SUSD1: variants seen among roughly 807,000 people sequenced by gnomAD.
SUSD1 encodes the protein sushi domain containing 1.
Under a neutral mutation model 86.9 loss-of-function variants are expected in SUSD1, and 65 were observed. The observed-to-expected ratio is 0.75, with a 90% confidence interval of 0.61 to 0.92. The LOEUF (loss-of-function observed/expected upper bound fraction) is 0.92. Ranked by LOEUF, SUSD1 falls within the 40% of genes least tolerant of loss-of-function variation. The pLI is 0.00. For missense variants in SUSD1, 850 were observed against 929.7 expected, an observed-to-expected ratio of 0.91 and a Z score of 1.11; for synonymous variants, 346 against 350.0, an observed-to-expected ratio of 0.99 and a Z score of 0.13.
intron 8 of SUSD1, among the ~76,000 whole-genome samples, chr9:112,106,192 G>A (rs1192026150): frequency 6.6e-6 from 1 of 151,924 alleles, no homozygotes; most frequent in Non-Finnish European, 1.5e-5. Context: ...GTTTAGCCAT[G>A]TTGACCCTGG....
intron 10 of SUSD1, 116 bp downstream of exon 10, chr9:112,098,354 G>T: frequency 9.5e-7 from 1 of 1,050,762 alleles, no homozygotes; most frequent in Non-Finnish European, 1.4e-6. Flanking sequence ...AAGTTTGTTA[G>T]AACTGGAACC....
chr9:112,133,156 TC>T (rs1220822833), intron 5 of SUSD1, among the ~76,000 whole-genome samples: 2 of 152,120 alleles, frequency 1.3e-5, no homozygotes, highest in Non-Finnish European at 2.9e-5. Context: ...AGGCATGTAG[TC>T]CCAGCTACTC....
intron 3 of SUSD1, chr9:112,146,128 T>G (rs1419754899): frequency 1.3e-5 from 2 of 152,210 alleles, no homozygotes; most frequent in African/African-American, 4.8e-5. Context: ...CTTGCTAAGC[T>G]CTGCCCCAGC....
intron 2 of SUSD1, among the ~76,000 whole-genome samples, chr9:112,151,007 T>C (rs1428340630): frequency 6.6e-6 from 1 of 152,196 alleles, no homozygotes; most frequent in Non-Finnish European, 1.5e-5. Flanking sequence ...CGATCATAGC[T>C]CACTGCAGCC....
At chr9:112,082,053 T>C (rs1174356310) in intron 10 of SUSD1, among the ~76,000 whole-genome samples, 1 of 152,148 alleles carries the variant, frequency 6.6e-6, no homozygotes, top group African/African-American at 2.4e-5. Context: ...AATACAAGGA[T>C]GTCTGGTCTT....
At chr9:112,064,280 C>T (rs893964803) in intron 12 of SUSD1, among the ~76,000 whole-genome samples, 2 of 152,178 alleles carry the variant, frequency 1.3e-5, no homozygotes, top group Non-Finnish European at 2.9e-5. Context: ...CCTGCCTGAG[C>T]TCCACCTCCT....
At chr9:112,046,398 C>A (rs1218998209) in intron 15 of SUSD1, among the ~76,000 whole-genome samples, 1 of 152,132 alleles carries the variant, frequency 6.6e-6, no homozygotes, top group Non-Finnish European at 1.5e-5. Flanking sequence ...TGTGTTATAT[C>A]CCACATCAGT....
At chr9:112,169,324 G>A (rs1833943467) in intron 1 of SUSD1, 1 of 151,774 alleles carries the variant, frequency 6.6e-6, no homozygotes, top group African/African-American at 2.4e-5. Flanking sequence ...AATTGATTGT[G>A]GACAGTCAGT....
At chr9:112,149,476 C>A in intron 2 of SUSD1, 77 bp from the exon 3 acceptor site, 1 of 1,541,620 alleles carries the variant, frequency 6.5e-7, no homozygotes, top group Non-Finnish European at 8.8e-7. Context: ...TCCTCCCATG[C>A]TATGGACTCG....
At chr9:112,117,449 A>G (rs1163434923) in intron 6 of SUSD1, among the ~76,000 whole-genome samples, 1 of 152,150 alleles carries the variant, frequency 6.6e-6, no homozygotes, top group Non-Finnish European at 1.5e-5. Flanking sequence ...CTGAAGTCTC[A>G]CTGGATTTGG....
chr9:112,150,975 C>T (rs1019831877), intron 2 of SUSD1, among the ~76,000 whole-genome samples: 1 of 152,184 alleles, frequency 6.6e-6, no homozygotes, highest in African/African-American at 2.4e-5. Flanking sequence ...CCCTCTGTCA[C>T]CCAGGCTAAA....
intron 14 of SUSD1, among the ~76,000 whole-genome samples, chr9:112,052,685 C>T (rs928420692): frequency 2.4e-4 from 37 of 152,154 alleles, no homozygotes; most frequent in African/African-American, 8.7e-4. Flanking sequence ...TCTTGGAAAG[C>T]ATATATGATA....
intron 2 of SUSD1, among the ~76,000 whole-genome samples, chr9:112,153,993 C>G (rs1833180887): frequency 6.6e-6 from 1 of 152,130 alleles, no homozygotes; most frequent in African/African-American, 2.4e-5. Flanking sequence ...AGCATCACTA[C>G]AAACACATAA....
In SUSD1 at chr9:112,143,462, G is replaced by C. The variant is rs770225299; in HGVS notation, c.526+9C>G. The C allele has an allele frequency of 6.2e-7, 1 of 1,610,066 alleles. No individual in the cohort carries two copies. The highest frequency in any genetic ancestry group is 1.1e-5 in the South Asian group (1 of 90,112). ...CGTTGAGATGCCGCAATTTTTGGCA[G>C]AAACCCACCTGTGCATGATGTGGCA... is the stretch of plus-strand genomic sequence containing the variant. On this transcript the variant is annotated intron_variant, in intron 4 of 16. Transcript: ENST00000374270.
At chr9:112,070,342 CCAATGTA>C (rs1028604241) in intron 12 of SUSD1, among the ~76,000 whole-genome samples, 3 of 152,162 alleles carry the variant, frequency 2.0e-5, no homozygotes, top group Non-Finnish European at 4.4e-5. Context: ...CTTTTTCTCT[CCAATGTA>C]CAAGCCTAAG....
At chr9:112,134,741 G>C (rs111687699) in intron 5 of SUSD1, among the ~76,000 whole-genome samples, 4,892 of 150,770 alleles carry the variant, frequency 0.032, 134 homozygotes, top group Admixed American at 0.054. Flanking sequence ...TGTGCCCCCT[G>C]AATCTAAAAT....
chr9:112,146,546 A>G (rs1441050096), intron 3 of SUSD1, among the ~76,000 whole-genome samples: 1 of 151,416 alleles, frequency 6.6e-6, no homozygotes, highest in Non-Finnish European at 1.5e-5. Flanking sequence ...TACATAAAAT[A>G]TTTTTTTCTC....
chr9:112,052,158 G>A (rs772393305), intron 15 of SUSD1: 26 of 1,450,312 alleles, frequency 1.8e-5, no homozygotes, highest in Non-Finnish European at 2.2e-5. Context: ...CACTCACGGT[G>A]TTGAGTCCCC....
In SUSD1 at chr9:112,113,552, A is replaced by G. The variant is rs558496588; in HGVS notation, c.887-684T>C. Among the ~76,000 whole-genome samples, 1 of 152,318 alleles carries G rather than the reference A, an allele frequency of 6.6e-6. No individual in the cohort carries two copies. The highest frequency in any genetic ancestry group is 2.4e-5 in the African/African-American group (1 of 41,572). Reference sequence around the variant, plus strand: ...ATGAAGGCCTTGGTTCCCTGAGGTAACATAGTTTTCAGCATTCCCAGTCAA... The same window carrying G: ...ATGAAGGCCTTGGTTCCCTGAGGTAGCATAGTTTTCAGCATTCCCAGTCAA... On this transcript the variant is annotated intron_variant, in intron 6 of 16. Transcript: ENST00000374270. This position sits in a 1 kb window ranked among gnomAD's most constrained non-coding sequence, Gnocchi z 4.1.
Sources: allele counts gnomAD v4.1 joint callset (sites outside exome capture counted in the v4.1 genomes callset), GRCh38; gene constraint gnomAD v4.1.1; non-coding constraint Gnocchi (gnomAD v3.1); transcripts MANE v1.5; gene names NCBI Gene and HGNC (gene_info 2026-07-23, HGNC 2026-07-21).